DLG1: variants seen among roughly 807,000 people sequenced by gnomAD.
DLG1 encodes the protein discs large MAGUK scaffold protein 1.
DLG1 carries 42 observed loss-of-function variants against 123.4 expected under a neutral mutation model. The observed-to-expected ratio is 0.34, with a 90% confidence interval of 0.27 to 0.44. DLG1 has a LOEUF of 0.44. DLG1 is among the 20% of genes least tolerant of loss of function. DLG1 has a pLI of 1.00. For missense variants in DLG1, 942 were observed against 1,082.6 expected (o/e 0.87, Z 1.82); for synonymous variants, 317 against 356.2 (o/e 0.89, Z 1.24).
chr3:197,285,243 G>A (rs543727967), intron 3 of DLG1, among the ~76,000 whole-genome samples: 9 of 152,118 alleles, frequency 5.9e-5, no homozygotes. Flanking sequence ...CTTTCAAATA[G>A]GCAAAGAAAC....
chr3:197,286,589 G>A (rs548816660), intron 3 of DLG1, among the ~76,000 whole-genome samples: 3 of 152,220 alleles, frequency 2.0e-5, no homozygotes, highest in East Asian at 3.9e-4. Context: ...TGTACAATAC[G>A]GCAATAGTGG....
intron 4 of DLG1, among the ~76,000 whole-genome samples, chr3:197,219,143 GA>G (rs904028638): frequency 1.8e-4 from 27 of 146,760 alleles, no homozygotes; most frequent in Admixed American, 6.1e-4. Flanking sequence ...AAAAAAAGAA[GA>G]AAAAAAAAAG....
intron 5 of DLG1, among the ~76,000 whole-genome samples, chr3:197,152,419 C>CTTTTTT (rs768327685): frequency 3.0e-4 from 28 of 94,684 alleles, no homozygotes; most frequent in Admixed American, 6.0e-4. Context: ...ATCCCAAAGT[C>CTTTTTT]TTTTTTTTTT....
chr3:197,067,650 C>T (rs995889938), intron 19 of DLG1, among the ~76,000 whole-genome samples: 13 of 149,478 alleles, frequency 8.7e-5, no homozygotes, highest in African/African-American at 2.0e-4. Flanking sequence ...CTCCAACTCC[C>T]GGGTTCAAGC....
intron 4 of DLG1, among the ~76,000 whole-genome samples, chr3:197,238,902 C>T (rs1281974364): frequency 1.3e-5 from 2 of 151,854 alleles, no homozygotes; most frequent in East Asian, 3.8e-4. Context: ...AAATCAAGAA[C>T]CTAGTCTAAA....
chr3:197,245,057 C>T (rs1210248298), intron 4 of DLG1, among the ~76,000 whole-genome samples: 2 of 152,160 alleles, frequency 1.3e-5, no homozygotes, highest in Non-Finnish European at 2.9e-5. Context: ...AATAGGAAGG[C>T]ACTTGGTCCA....
At position 197,094,027 on chromosome 3, in the gene DLG1, A is replaced by T. The variant is rs573407838; in HGVS notation, c.1547-3001T>A. On this transcript the variant is annotated intron_variant, in intron 14 of 24. Coordinates refer to ENST00000667157, the MANE Select transcript of DLG1 (RefSeq NM_001366207.1). ...GTAATGCTTGTTCAGTGGAAGCCAG[A>T]TACCATGTAACAAGACTGTTCTAAA... Among the ~76,000 whole-genome samples, 36 of 152,300 alleles carry T rather than the reference A, an allele frequency of 2.4e-4. No homozygotes were observed. The South Asian group carries it at 7.3e-3, about 31-fold the overall frequency.
intron 4 of DLG1, among the ~76,000 whole-genome samples, chr3:197,254,535 G>C (rs1383272724): frequency 6.6e-6 from 1 of 152,052 alleles, no homozygotes; most frequent in Admixed American, 6.5e-5. Flanking sequence ...AAAGAAGTAG[G>C]ATAACATAAG....
At chr3:197,222,729 G>C (rs1286029063) in intron 4 of DLG1, among the ~76,000 whole-genome samples, 2 of 152,136 alleles carry the variant, frequency 1.3e-5, no homozygotes, top group Admixed American at 6.5e-5. Context: ...TTTCCCTGCA[G>C]AGAGAAGACA....
chr3:197,194,698 T>C lies in DLG1; in HGVS notation c.319-109A>G, dbSNP rs1577889606. 4.5e-6 allele frequency: 3 copies of C among 667,576 alleles called. No homozygotes were observed. In the East Asian group the frequency reaches 9.6e-5, roughly 21 times the overall value. The allele number at this position is 667,576 out of a possible 1,614,324, so 41.4% of individuals were successfully genotyped here. ...TCAATATTTAGCAATATAAAAAGTATATTTATGGTTTAATACATCAGATCT... is the reference window on the plus strand; with the variant it reads ...TCAATATTTAGCAATATAAAAAGTACATTTATGGTTTAATACATCAGATCT... On this transcript the variant is annotated intron_variant, in intron 4 of 24. Coordinates refer to ENST00000667157, the MANE Select transcript of DLG1 (RefSeq NM_001366207.1).
At chr3:197,121,823 C>CAAAAAAAAAA (rs71161995) in intron 11 of DLG1, among the ~76,000 whole-genome samples, 8 of 101,990 alleles carry the variant, frequency 7.8e-5, no homozygotes, top group Non-Finnish European at 1.1e-4. Context: ...ACAATCACCA[C>CAAAAAAAAAA]AAAAAAAAAA....
At chr3:197,176,178 T>C (rs1035211405) in intron 5 of DLG1, among the ~76,000 whole-genome samples, 1 of 152,162 alleles carries the variant, frequency 6.6e-6, no homozygotes, top group African/African-American at 2.4e-5. Flanking sequence ...ACCAATTTTA[T>C]AGTTTTTAAT....
intron 5 of DLG1, among the ~76,000 whole-genome samples, chr3:197,170,676 A>C (rs1324016268): frequency 6.6e-6 from 1 of 152,230 alleles, no homozygotes; most frequent in East Asian, 1.9e-4. Flanking sequence ...ATTTTCTTCC[A>C]TTCTGTAGGT....
intron 23 of DLG1, among the ~76,000 whole-genome samples, chr3:197,056,891 T>C (rs1732062712): frequency 6.6e-6 from 1 of 152,214 alleles, no homozygotes; most frequent in Non-Finnish European, 1.5e-5. Flanking sequence ...TCACAGAGTA[T>C]GTATATCTTT....
chr3:197,213,419 G>A (rs1326896608), intron 4 of DLG1, among the ~76,000 whole-genome samples: 6 of 152,168 alleles, frequency 3.9e-5, no homozygotes. Context: ...AGGGCTGAAT[G>A]AATACCAAGG....
intron 4 of DLG1, among the ~76,000 whole-genome samples, chr3:197,250,388 T>C (rs1753780992): frequency 6.6e-6 from 1 of 151,834 alleles, no homozygotes. Context: ...GCCAACATTG[T>C]GAAACCCCAG....
chr3:197,160,132 A>C (rs1190122533), intron 5 of DLG1, among the ~76,000 whole-genome samples: 2 of 152,284 alleles, frequency 1.3e-5, no homozygotes, highest in South Asian at 4.1e-4. Flanking sequence ...GGTCATTCTG[A>C]CTTTAAAACG....
At chr3:197,276,917 G>T (rs1378695289) in intron 4 of DLG1, among the ~76,000 whole-genome samples, 2 of 151,570 alleles carry the variant, frequency 1.3e-5, no homozygotes, top group Non-Finnish European at 2.9e-5. Context: ...TTGGAGACAG[G>T]GTCTCGCTCT....
At chr3:197,194,943 G>A (rs565426161) in intron 4 of DLG1, among the ~76,000 whole-genome samples, 26 of 152,094 alleles carry the variant, frequency 1.7e-4, no homozygotes, top group Admixed American at 1.3e-3. Flanking sequence ...TTCTTACTCC[G>A]TTAACTTGTA....
Sources: gnomAD v4.1 joint callset for allele counts (sites outside exome capture counted in the v4.1 genomes callset) on GRCh38, gnomAD v4.1.1 for gene constraint, MANE v1.5 for transcripts, NCBI Gene and HGNC (gene_info 2026-07-23, HGNC 2026-07-21) for gene names.